FANCD2OS: variants seen among roughly 807,000 people sequenced by gnomAD.
FANCD2OS encodes FANCD2 opposite strand protein.
Under a neutral mutation model 13.2 loss-of-function variants are expected in FANCD2OS, and 11 were observed. The observed-to-expected ratio is 0.83, with a 90% CI of 0.52 to 1.38. FANCD2OS has a LOEUF of 1.38. Among genes scored for constraint, FANCD2OS ranks in the 40% most tolerant of loss-of-function variants. The pLI is 0.00. For synonymous variants in FANCD2OS, 69 were observed against 84.5 expected, an observed-to-expected ratio of 0.82 and a Z score of 1.01; for missense variants, 217 against 213.9, an observed-to-expected ratio of 1.01 and a Z score of -0.09.
At chr3:10,087,957 T>A (rs1181553657) in intron 2 of FANCD2OS, among the ~76,000 whole-genome samples, 4 of 152,192 alleles carry the variant, frequency 2.6e-5, no homozygotes, top group African/African-American at 9.7e-5. Flanking sequence ...CTGGCCTCTT[T>A]CTTAAACTGT....
downstream of FANCD2OS, chr3:10,101,219 A>G: frequency 6.2e-7 from 1 of 1,613,388 alleles, no homozygotes; most frequent in Non-Finnish European, 8.5e-7. Flanking sequence ...AGTGCTGGAG[A>G]AAAGGAGCAA....
chr3:10,093,558 G>A (rs1379978107), intron 2 of FANCD2OS, among the ~76,000 whole-genome samples: 1 of 152,224 alleles, frequency 6.6e-6, no homozygotes, highest in Non-Finnish European at 1.5e-5. Context: ...TAGGAGGAAT[G>A]GCTTCAGGGC....
intron 2 of FANCD2OS, among the ~76,000 whole-genome samples, chr3:10,083,944 A>G (rs1284525607): frequency 6.7e-6 from 1 of 148,356 alleles, no homozygotes; most frequent in Non-Finnish European, 1.5e-5. Flanking sequence ...GAATATTTTG[A>G]GCAATTTAGC....
intron 2 of FANCD2OS, among the ~76,000 whole-genome samples, chr3:10,084,816 T>C (rs1694081471): frequency 6.6e-6 from 1 of 152,164 alleles, no homozygotes; most frequent in Admixed American, 6.5e-5. Context: ...ATAATTTAAA[T>C]GTTGTCCAGG....
In FANCD2OS at chr3:10,096,537, A is replaced by G. The variant is rs1694977785; in HGVS notation, c.*43+7661T>C. 3.3e-6 allele frequency: 5 copies of G among 1,516,746 alleles called. No individual in the cohort carries two copies. In the East Asian group the frequency reaches 9.0e-5, roughly 27 times the overall value. 94.0% of individuals were successfully genotyped at this position (1,516,746 alleles called of 1,614,324 possible). On this transcript the variant is annotated intron_variant, in intron 2 of 2. Transcript: ENST00000524279. ...ATTCTTTGTGACAGCATCAGATGGCATGTAAGGAAGGTCACCTAAGCCCTC... is the reference window on the plus strand; with the variant it reads ...ATTCTTTGTGACAGCATCAGATGGCGTGTAAGGAAGGTCACCTAAGCCCTC...
intron 2 of FANCD2OS, among the ~76,000 whole-genome samples, chr3:10,097,413 C>T (rs1232870678): frequency 6.6e-6 from 1 of 152,176 alleles, no homozygotes; most frequent in Non-Finnish European, 1.5e-5. Flanking sequence ...GGGCCCAGTT[C>T]AGAGACCTAC....
At chr3:10,096,657 C>A (rs1436053626) in intron 2 of FANCD2OS, among the ~76,000 whole-genome samples, 1 of 152,074 alleles carries the variant, frequency 6.6e-6, no homozygotes, top group Non-Finnish European at 1.5e-5. Context: ...CAGGCTGCAC[C>A]CCTCATCTTA....
chr3:10,103,175 GGC>G (rs1695370395), downstream of FANCD2OS: 2 of 378,086 alleles, frequency 5.3e-6, no homozygotes, highest in Non-Finnish European at 1.0e-5. Flanking sequence ...GGCTGAGGTG[GGC>G]AGGTCACCTG....
At chr3:10,097,399 G>T (rs562159676) in intron 2 of FANCD2OS, among the ~76,000 whole-genome samples, 7 of 151,970 alleles carry the variant, frequency 4.6e-5, no homozygotes, top group African/African-American at 1.7e-4. Flanking sequence ...AGGTACACCC[G>T]GGGGGGCCCA....
chr3:10,085,885 CAGGG>C lies in FANCD2OS; in HGVS notation c.*44-4358_*44-4355del, dbSNP rs748843683. On this transcript the variant is annotated intron_variant, in intron 2 of 2. Coordinates refer to the FANCD2OS transcript ENST00000524279. ...CCATGTCCTTAGTAGCCGACTGAAA[CAGGG>C]AGAACACAGCCAGCCTTTGGAGGAA... The C allele has an allele frequency of 1.2e-6, 2 of 1,613,554 alleles. No homozygotes were observed. The highest frequency in any genetic ancestry group is 3.3e-5 in the Admixed American group (2 of 59,998).
chr3:10,107,850 C>A (rs1490811939), intron 1 of FANCD2OS, among the ~76,000 whole-genome samples, 165 bp downstream of exon 1: 1 of 152,100 alleles, frequency 6.6e-6, no homozygotes, highest in Non-Finnish European at 1.5e-5. Flanking sequence ...ATCCCCACCG[C>A]CCAGAAGTCA....
chr3:10,101,325 G>A, downstream of FANCD2OS: 1 of 1,111,594 alleles, frequency 9.0e-7, no homozygotes, highest in South Asian at 1.2e-5. Context: ...TTGTGTTAGA[G>A]TTTGAAATCC....
At chr3:10,088,751 C>T (rs372696571) in intron 2 of FANCD2OS, 1 of 1,477,620 alleles carries the variant, frequency 6.8e-7, no homozygotes, top group East Asian at 2.3e-5. Context: ...TAATTCAGAT[C>T]ATAGAGGAAT....
downstream of FANCD2OS, among the ~76,000 whole-genome samples, chr3:10,097,950 G>A (rs561038450): frequency 5.9e-5 from 9 of 151,906 alleles, no homozygotes; most frequent in African/African-American, 1.2e-4. Flanking sequence ...CTGACTTCCC[G>A]CAACAATCTC....
chr3:10,089,584 C>T (rs1451664006), intron 2 of FANCD2OS, among the ~76,000 whole-genome samples: 1 of 152,100 alleles, frequency 6.6e-6, no homozygotes, highest in African/African-American at 2.4e-5. Flanking sequence ...ATTCTCCTAC[C>T]CCAGCCTTTC....
chr3:10,096,217 C>T (rs1299615092), intron 2 of FANCD2OS: 2 of 1,104,404 alleles, frequency 1.8e-6, no homozygotes, highest in Non-Finnish European at 2.7e-6. Flanking sequence ...TACCGTTGGC[C>T]CATACTGGCA....
chr3:10,103,152 C>T, downstream of FANCD2OS: 1 of 405,120 alleles, frequency 2.5e-6, no homozygotes, highest in Non-Finnish European at 4.8e-6. Context: ...CCTATAATCC[C>T]AGCACTTTGG....
chr3:10,092,999 G>C (rs187860884), intron 2 of FANCD2OS, among the ~76,000 whole-genome samples: 5 of 152,168 alleles, frequency 3.3e-5, no homozygotes, highest in African/African-American at 1.2e-4. Flanking sequence ...GCCTCATCCA[G>C]TCTTTCTTAA....
At chr3:10,095,425 T>C in intron 2 of FANCD2OS, 1 of 699,664 alleles carries the variant, frequency 1.4e-6, no homozygotes, top group Non-Finnish European at 2.6e-6. Context: ...CCTTAGTTGC[T>C]CCTTGAGATT....
Sources: allele counts gnomAD v4.1 joint callset (sites outside exome capture counted in the v4.1 genomes callset), GRCh38; gene constraint gnomAD v4.1.1; transcripts MANE v1.5; gene names NCBI Gene and HGNC (gene_info 2026-07-23, HGNC 2026-07-21).